Variants in UCK2 observed in about 807,000 individuals in gnomAD.
The protein encoded by UCK2 is cytidine monophosphokinase 2.
UCK2 carries 6 observed loss-of-function variants against 30.8 expected under a neutral mutation model. The observed-to-expected ratio is 0.19, with a 90% CI of 0.11 to 0.38. The LOEUF is 0.38. UCK2 is among the 10% of genes least tolerant of loss of function. UCK2 has a pLI of 1.00. For missense variants in UCK2, 210 were observed against 339.8 expected, an observed-to-expected ratio of 0.62 and a Z score of 3.00; for synonymous variants, 125 against 133.6, an observed-to-expected ratio of 0.94 and a Z score of 0.45.
chr1:165,865,869 C>A (rs1655033108), intron 1 of UCK2, among the ~76,000 whole-genome samples: 1 of 152,242 alleles, frequency 6.6e-6, no homozygotes, highest in Non-Finnish European at 1.5e-5. Context: ...TGACAGAACT[C>A]AGGCCAGTTC....
At chr1:165,903,366 C>G (rs1466031489) in intron 5 of UCK2, 87 bp downstream of exon 5, 5 of 1,153,764 alleles carry the variant, frequency 4.3e-6, no homozygotes, top group Non-Finnish European at 6.3e-6. Flanking sequence ...TGTGGAGCTC[C>G]CCTGCCTGAA....
intron 1 of UCK2, among the ~76,000 whole-genome samples, chr1:165,854,370 T>A (rs1213789040): frequency 6.6e-6 from 1 of 152,142 alleles, no homozygotes; most frequent in African/African-American, 2.4e-5. Context: ...CCTTGGATAT[T>A]AGTTAACCTC....
intron 1 of UCK2, among the ~76,000 whole-genome samples, chr1:165,832,701 C>T (rs1654082048): frequency 6.6e-6 from 1 of 152,064 alleles, no homozygotes; most frequent in African/African-American, 2.4e-5. Flanking sequence ...TCCTGCGATT[C>T]TCCTGCCTCA....
intron 1 of UCK2, among the ~76,000 whole-genome samples, chr1:165,830,527 G>A (rs1403086513): frequency 6.7e-6 from 1 of 148,414 alleles, no homozygotes; most frequent in African/African-American, 2.5e-5. Context: ...GAGTTTCACT[G>A]TGTTAGCCAG....
At chr1:165,873,807 A>G (rs949146186) in intron 1 of UCK2, among the ~76,000 whole-genome samples, 17 of 151,428 alleles carry the variant, frequency 1.1e-4, no homozygotes, top group African/African-American at 3.6e-4. Flanking sequence ...CTTACTTCCT[A>G]TTTCTTTCAA....
intron 1 of UCK2, among the ~76,000 whole-genome samples, chr1:165,838,163 AG>A (rs2101850468): frequency 6.6e-6 from 1 of 152,342 alleles, no homozygotes; most frequent in African/African-American, 2.4e-5. Context: ...ACCCTGGTCC[AG>A]GTCATCATCA....
intron 1 of UCK2, among the ~76,000 whole-genome samples, chr1:165,873,341 C>T (rs905449892): frequency 3.3e-5 from 5 of 152,264 alleles, no homozygotes; most frequent in South Asian, 2.1e-4. Flanking sequence ...TGATGGCCAC[C>T]GTCTTGGACA....
rs1557852072 is a variant in UCK2, at chr1:165,907,865, A to G, written c.*42A>G. ...CCCAGCCCCTATCTCCAAGAGACAG[A>G]GGAGGGGTCAGGAGGCACTGCTCAT... On this transcript the variant is annotated 3_prime_UTR_variant, in exon 7 of 7. Transcript: ENST00000367879. The G allele has an allele frequency of 6.2e-7, 1 of 1,605,004 alleles. No individual in the cohort carries two copies. Among genetic ancestry groups the G allele is most frequent in the Non-Finnish European group, 8.5e-7 (1 of 1,174,886 alleles).
In UCK2 at chr1:165,911,382, T is replaced by C. The variant is rs761985100; in HGVS notation, c.*3559T>C. ...TCTGGGCGTTCTGCTGCCTTCCTCA[T>C]ACCGGGGACTGGCATTCCAGGTCAG... On this transcript the variant is annotated 3_prime_UTR_variant, in exon 7 of 7. Coordinates refer to ENST00000367879, the MANE Select transcript of UCK2 (RefSeq NM_012474.5). 6.6e-6 allele frequency: 1 copy of C among 152,220 alleles called. No homozygotes were observed. The highest frequency in any genetic ancestry group is 1.5e-5 in the Non-Finnish European group (1 of 68,052). The allele number at this position is 152,220 out of a possible 1,614,324, so 9.4% of individuals were successfully genotyped here.
intron 1 of UCK2, among the ~76,000 whole-genome samples, chr1:165,860,134 T>C (rs1440942092): frequency 6.6e-6 from 1 of 152,244 alleles, no homozygotes; most frequent in African/African-American, 2.4e-5. Flanking sequence ...GCAGTTGCAC[T>C]GCGGGGCAGA....
intron 1 of UCK2, among the ~76,000 whole-genome samples, chr1:165,870,998 A>G (rs1395472211): frequency 6.6e-6 from 1 of 152,072 alleles, no homozygotes; most frequent in East Asian, 1.9e-4. Flanking sequence ...TTGTATTTTT[A>G]GTAGAGGAGT....
intron 1 of UCK2, among the ~76,000 whole-genome samples, chr1:165,878,878 A>C (rs1655404397): frequency 6.6e-6 from 1 of 152,206 alleles, no homozygotes; most frequent in African/African-American, 2.4e-5. Context: ...GTTTAGTTTC[A>C]CAGGAAACTG....
chr1:165,904,834 C>T (rs1394364342), intron 5 of UCK2, among the ~76,000 whole-genome samples: 1 of 152,100 alleles, frequency 6.6e-6, no homozygotes, highest in East Asian at 1.9e-4. Flanking sequence ...TGCCAGGATG[C>T]AGTTACTTGT....
chr1:165,880,348 C>G (rs1286822925), intron 1 of UCK2, among the ~76,000 whole-genome samples: 1 of 152,166 alleles, frequency 6.6e-6, no homozygotes, highest in African/African-American at 2.4e-5. Context: ...TCACCCAGGA[C>G]AAGGGGCCCA....
At chr1:165,890,057 A>T (rs1486626044) in intron 1 of UCK2, 147 bp from the exon 2 acceptor site, 3 of 797,484 alleles carry the variant, frequency 3.8e-6, no homozygotes, top group East Asian at 2.5e-5. Flanking sequence ...TAGCCCTTTA[A>T]CTCATCATGC....
chr1:165,876,834 T>C (rs1384518414), intron 1 of UCK2, among the ~76,000 whole-genome samples: 1 of 152,194 alleles, frequency 6.6e-6, no homozygotes, highest in East Asian at 1.9e-4. Context: ...TGCTGCCATT[T>C]CTTGTATCAC....
intron 1 of UCK2, among the ~76,000 whole-genome samples, chr1:165,854,599 AAAT>A (rs1654681273): frequency 4.5e-5 from 1 of 22,402 alleles, no homozygotes; most frequent in African/African-American, 1.7e-4. Flanking sequence ...CCTTTTTTAA[AAAT>A]AAATAAATAA....
At chr1:165,858,894 T>C (rs60668894) in intron 1 of UCK2, among the ~76,000 whole-genome samples, 2,559 of 152,296 alleles carry the variant, frequency 0.017, 96 homozygotes, top group African/African-American at 0.058. Context: ...CTGTTTTATA[T>C]ATTCATCATT....
intron 3 of UCK2, chr1:165,891,642 C>A: frequency 3.8e-6 from 1 of 261,258 alleles, no homozygotes; most frequent in Non-Finnish European, 7.3e-6. Context: ...GTTCCTGGAA[C>A]AAGATGTAAG....
Sources: allele counts gnomAD v4.1 joint callset (sites outside exome capture counted in the v4.1 genomes callset), GRCh38; gene constraint gnomAD v4.1.1; transcripts MANE v1.5; gene names NCBI Gene and HGNC (gene_info 2026-07-23, HGNC 2026-07-21).